Variants in SLCO1A2 observed in about 807,000 individuals in gnomAD.
SLCO1A2 encodes OATP-1.
SLCO1A2 carries 67 observed loss-of-function variants against 69.0 expected under a neutral mutation model. That is an observed-to-expected ratio of 0.97 (90% CI 0.80 to 1.19). The LOEUF (loss-of-function observed/expected upper bound fraction) is 1.19, where lower values mean the gene tolerates loss of function less well. Ranked by LOEUF, SLCO1A2 falls within the 50% of genes most tolerant of loss-of-function variation. SLCO1A2 has a pLI of 0.00. For missense variants in SLCO1A2, 787 were observed against 793.7 expected (o/e 0.99, Z 0.10); for synonymous variants, 260 against 265.9 (o/e 0.98, Z 0.22).
At chr12:21,363,771 C>T (rs1939137958) in intron 2 of SLCO1A2, among the ~76,000 whole-genome samples, 1 of 152,198 alleles carries the variant, frequency 6.6e-6, no homozygotes, top group Non-Finnish European at 1.5e-5. Context: ...ATAAACACCT[C>T]TGTGCAAATC....
intron 2 of SLCO1A2, among the ~76,000 whole-genome samples, chr12:21,328,228 G>A (rs1018779484): frequency 6.6e-6 from 1 of 152,072 alleles, no homozygotes; most frequent in Non-Finnish European, 1.5e-5. Flanking sequence ...CCAGTCTCAG[G>A]GATATCTTCC....
chr12:21,302,186 A>G (rs754017349), intron 6 of SLCO1A2, among the ~76,000 whole-genome samples: 2 of 151,962 alleles, frequency 1.3e-5, no homozygotes, highest in Non-Finnish European at 2.9e-5. Flanking sequence ...CTCTGCCTCT[A>G]CTTCCTCACC....
At chr12:21,355,123 T>A (rs958336070) in intron 2 of SLCO1A2, 1 of 152,188 alleles carries the variant, frequency 6.6e-6, no homozygotes, top group Non-Finnish European at 1.5e-5. Flanking sequence ...TATCATATGA[T>A]CCATGTATAT....
At chr12:21,287,657 T>C (rs1273001484) in intron 12 of SLCO1A2, among the ~76,000 whole-genome samples, 1 of 127,254 alleles carries the variant, frequency 7.9e-6, no homozygotes, top group Admixed American at 7.7e-5. Context: ...GTGGCACATA[T>C]ACACCATGGA....
intron 12 of SLCO1A2, among the ~76,000 whole-genome samples, chr12:21,288,002 AAAGTAT>A (rs1318471930): frequency 2.3e-5 from 3 of 129,536 alleles, no homozygotes; most frequent in African/African-American, 2.8e-5. Context: ...CCTAAAACTT[AAAGTAT>A]AATAAAAAAA....
chr12:21,414,710 T>C (rs184542052), intron 1 of SLCO1A2, among the ~76,000 whole-genome samples: 1 of 152,288 alleles, frequency 6.6e-6, no homozygotes, highest in Non-Finnish European at 1.5e-5. Flanking sequence ...ATTTTAGTGT[T>C]TAGATATTTT....
intron 1 of SLCO1A2, chr12:21,378,429 G>C (rs1321882071): frequency 1.9e-6 from 3 of 1,605,532 alleles, no homozygotes; most frequent in Non-Finnish European, 2.6e-6. Context: ...CCCTTTAGAG[G>C]ACAATGTAAC....
chr12:21,302,325 A>G (rs1277956454), intron 6 of SLCO1A2, among the ~76,000 whole-genome samples: 1 of 151,996 alleles, frequency 6.6e-6, no homozygotes, highest in Non-Finnish European at 1.5e-5. Context: ...AGGTTATTTG[A>G]CATTGCTGGC....
At chr12:21,404,217 A>C (rs1381850786) in intron 1 of SLCO1A2, among the ~76,000 whole-genome samples, 1 of 152,020 alleles carries the variant, frequency 6.6e-6, no homozygotes, top group Admixed American at 6.6e-5. Flanking sequence ...TGGATAAGAT[A>C]GTTGGATTTA....
At chr12:21,296,397 C>T (rs576208161) in intron 9 of SLCO1A2, among the ~76,000 whole-genome samples, 2 of 152,030 alleles carry the variant, frequency 1.3e-5, no homozygotes, top group South Asian at 4.2e-4. Context: ...CACAACACCA[C>T]ACCTGGCTAA....
chr12:21,369,115 T>C (rs1939603103), intron 2 of SLCO1A2, among the ~76,000 whole-genome samples: 1 of 152,204 alleles, frequency 6.6e-6, no homozygotes, highest in African/African-American at 2.4e-5. Context: ...ACAAATTTGA[T>C]AAAATGTAAA....
intron 4 of SLCO1A2, 86 bp from the exon 5 acceptor site, chr12:21,307,074 C>G (rs1249837166): frequency 6.0e-6 from 5 of 831,184 alleles, no homozygotes; most frequent in Non-Finnish European, 9.7e-6. Context: ...CTTCTGCTTC[C>G]CATACAACAC....
upstream of SLCO1A2, among the ~76,000 whole-genome samples, chr12:21,396,103 G>T (rs1436297789): frequency 1.3e-5 from 2 of 151,818 alleles, no homozygotes; most frequent in East Asian, 3.9e-4. Context: ...CAAACCAAAG[G>T]CAAAGAAGTT....
intron 1 of SLCO1A2, among the ~76,000 whole-genome samples, chr12:21,376,975 C>T (rs1403467741): frequency 3.3e-5 from 5 of 152,016 alleles, no homozygotes; most frequent in Admixed American, 1.3e-4. Context: ...CATCCATTTC[C>T]GATATCGTTT....
intron 2 of SLCO1A2, among the ~76,000 whole-genome samples, chr12:21,348,874 A>G (rs865784780): frequency 1.4e-4 from 22 of 152,324 alleles, no homozygotes; most frequent in African/African-American, 5.3e-4. Flanking sequence ...AAACCCACAG[A>G]CTATACAACA....
chr12:21,316,225 G>A (rs1270184140), intron 3 of SLCO1A2, among the ~76,000 whole-genome samples: 3 of 152,120 alleles, frequency 2.0e-5, no homozygotes, highest in Non-Finnish European at 4.4e-5. Context: ...CACATCACCA[G>A]GGCACTGCCA....
At chr12:21,381,961 G>A (rs1940614329) in intron 1 of SLCO1A2, among the ~76,000 whole-genome samples, 1 of 152,210 alleles carries the variant, frequency 6.6e-6, no homozygotes, top group Admixed American at 6.5e-5. Flanking sequence ...ATTTGATACA[G>A]TAATCCCAGT....
intron 12 of SLCO1A2, among the ~76,000 whole-genome samples, chr12:21,288,097 G>A (rs1303992412): frequency 6.6e-6 from 1 of 151,678 alleles, no homozygotes; most frequent in Non-Finnish European, 1.5e-5. Flanking sequence ...GTAAAGTAGG[G>A]CAGGCACCAA....
At chr12:21,307,315 A>T (rs1381352443) in intron 4 of SLCO1A2, among the ~76,000 whole-genome samples, 1 of 152,304 alleles carries the variant, frequency 6.6e-6, no homozygotes, top group East Asian at 1.9e-4. Context: ...CACAAACTTT[A>T]AAAAATGTGA....
Sources: gnomAD v4.1 joint callset for allele counts (sites outside exome capture counted in the v4.1 genomes callset) on GRCh38, gnomAD v4.1.1 for gene constraint, MANE v1.5 for transcripts, NCBI Gene and HGNC (gene_info 2026-07-23, HGNC 2026-07-21) for gene names.